Variants in RIPOR2 observed in about 807,000 individuals in gnomAD.
The protein encoded by RIPOR2 is rho family-interacting cell polarization regulator 2.
Under a neutral mutation model 114.5 loss-of-function variants are expected in RIPOR2, and 39 were observed. The observed-to-expected ratio is 0.34, with a 90% confidence interval of 0.26 to 0.44. The LOEUF (loss-of-function observed/expected upper bound fraction) is 0.44. Ranked by LOEUF, RIPOR2 falls within the 20% of genes least tolerant of loss-of-function variation. RIPOR2 has a pLI of 1.00. For synonymous variants in RIPOR2, 445 were observed against 484.4 expected, an observed-to-expected ratio of 0.92 and a Z score of 1.07; for missense variants, 1,007 against 1,255.1, an observed-to-expected ratio of 0.80 and a Z score of 2.99.
At chr6:24,979,638 C>A (rs1389842565) in intron 1 of RIPOR2, among the ~76,000 whole-genome samples, 1 of 152,204 alleles carries the variant, frequency 6.6e-6, no homozygotes, top group Non-Finnish European at 1.5e-5. Flanking sequence ...GCTCTCACAA[C>A]TTCCTCCACA....
intron 1 of RIPOR2, among the ~76,000 whole-genome samples, chr6:24,993,126 T>C (rs1774901591): frequency 6.6e-6 from 1 of 152,232 alleles, no homozygotes; most frequent in Non-Finnish European, 1.5e-5. Context: ...TTTGATCTTC[T>C]CTCTATTCTT....
intron 1 of RIPOR2, among the ~76,000 whole-genome samples, chr6:25,025,636 G>A (rs1028877424): frequency 1.5e-4 from 23 of 152,138 alleles, no homozygotes; most frequent in African/African-American, 5.3e-4. Flanking sequence ...TGATTAAAAC[G>A]AAAACTGAAT....
chr6:24,941,600 A>G (rs1166601150), intron 1 of RIPOR2, among the ~76,000 whole-genome samples: 2 of 152,194 alleles, frequency 1.3e-5, no homozygotes, highest in East Asian at 1.9e-4. Flanking sequence ...TGTGCTATCA[A>G]TGCAAACACA....
rs577953764 is a variant in RIPOR2 at position 24,934,310 on chromosome 6, C to T, written c.61+1528G>A. On this transcript the variant is annotated intron_variant, in intron 1 of 21. Coordinates refer to ENST00000643898, the MANE Select transcript of RIPOR2 (RefSeq NM_001286445.3). Reference sequence around the variant, plus strand: ...CTGAAGAATGGGGCCTAAGATCAAACTTCAAGGTGTTGGTGGCCTAAACGC... The same window carrying T: ...CTGAAGAATGGGGCCTAAGATCAAATTTCAAGGTGTTGGTGGCCTAAACGC... Among the ~76,000 whole-genome samples the T allele has an allele frequency of 9.2e-5, 14 of 152,316 alleles. No individual in the cohort carries two copies. In the South Asian group the frequency reaches 2.9e-3, roughly 32 times the overall value.
intron 1 of RIPOR2, among the ~76,000 whole-genome samples, chr6:24,890,861 G>GC (rs56186497): frequency 0.99 from 151,067 of 152,024 alleles, 75,055 homozygotes; most frequent in Middle Eastern, 1. Context: ...TTGCTATTTT[G>GC]CCAGGCTGGT....
At chr6:24,936,618 T>A (rs7763408), upstream of RIPOR2, among the ~76,000 whole-genome samples, 291 of 152,304 alleles carry the variant, frequency 1.9e-3, no homozygotes, top group African/African-American at 6.7e-3. Flanking sequence ...CTTCAGACTG[T>A]ATCACTAAAG....
At position 24,806,274 on chromosome 6, in the gene RIPOR2, G is replaced by T. The variant is rs574364397; in HGVS notation, c.*99C>A. ...GGCCTACATTTTTATTTCAGTTGTC[G>T]TGTCTCTCAGGCTCTAAACAATTTC... On this transcript the variant is annotated 3_prime_UTR_variant, in exon 22 of 22. Coordinates refer to ENST00000643898, the MANE Select transcript of RIPOR2 (RefSeq NM_001286445.3). The T allele has an allele frequency of 1.2e-6, 1 of 818,046 alleles. No individual in the cohort carries two copies. 50.7% of individuals were successfully genotyped at this position (818,046 alleles called of 1,614,324 possible).
At chr6:24,955,573 T>C (rs765272028) in intron 1 of RIPOR2, among the ~76,000 whole-genome samples, 2 of 152,068 alleles carry the variant, frequency 1.3e-5, no homozygotes, top group African/African-American at 2.4e-5. Flanking sequence ...AGAGAAAATA[T>C]AGACCATCAA....
At chr6:24,832,464 T>C in intron 15 of RIPOR2, 73 bp from the exon 16 acceptor site, 1 of 1,350,278 alleles carries the variant, frequency 7.4e-7, no homozygotes, top group Non-Finnish European at 1.0e-6. Context: ...AGCCTCATCC[T>C]TCCTGAATGT....
At chr6:24,876,937 G>A (rs1765833706) in intron 1 of RIPOR2, 1 of 981,968 alleles carries the variant, frequency 1.0e-6, no homozygotes, top group East Asian at 1.1e-4. Flanking sequence ...ATCAGGAGGA[G>A]TCAAAGCACA....
chr6:24,935,743 A>G (rs1771763377), intron 1 of RIPOR2, 95 bp downstream of exon 1: 1 of 831,222 alleles, frequency 1.2e-6, no homozygotes, highest in Non-Finnish European at 1.9e-6. Flanking sequence ...ATTTCAAAAT[A>G]CTCAAGTCCT....
chr6:24,949,874 T>C (rs1258064986), intron 1 of RIPOR2, among the ~76,000 whole-genome samples: 1 of 152,228 alleles, frequency 6.6e-6, no homozygotes, highest in African/African-American at 2.4e-5. Context: ...TCTGGGTGAA[T>C]TATTTTCTTA....
intron 12 of RIPOR2, among the ~76,000 whole-genome samples, chr6:24,844,636 C>T (rs953960960): frequency 6.6e-6 from 1 of 151,896 alleles, no homozygotes; most frequent in Non-Finnish European, 1.5e-5. Context: ...ACGCCCCCAG[C>T]TAATTTTTGT....
intron 1 of RIPOR2, among the ~76,000 whole-genome samples, chr6:24,902,412 T>G (rs1353414344): frequency 6.6e-6 from 1 of 152,086 alleles, no homozygotes; most frequent in Non-Finnish European, 1.5e-5. Context: ...AGCTGGAGTT[T>G]TACCATGTTG....
rs1182716915 is a variant in RIPOR2, at chr6:25,009,008, G to T, written c.76+32843C>A. On this transcript the variant is annotated intron_variant, in intron 1 of 13. Transcript: ENST00000510784. ...GAAGCCAGGACACTGATGCAGGATG[G>T]CTCTTGTCCATGCTGACTGCTGCCT... Among the ~76,000 whole-genome samples, 4 of 152,350 alleles carry T rather than the reference G, an allele frequency of 2.6e-5. No homozygotes were observed. In the East Asian group the frequency reaches 5.8e-4, roughly 22 times the overall value.
At chr6:25,038,675 G>A (rs1284935088) in intron 1 of RIPOR2, among the ~76,000 whole-genome samples, 2 of 152,202 alleles carry the variant, frequency 1.3e-5, no homozygotes, top group African/African-American at 2.4e-5. Context: ...CTGAGCCTTA[G>A]ATGAGATTGC....
At chr6:24,964,488 C>G (rs2114227174) in intron 1 of RIPOR2, among the ~76,000 whole-genome samples, 1 of 152,276 alleles carries the variant, frequency 6.6e-6, no homozygotes, top group East Asian at 1.9e-4. Flanking sequence ...CTTTTTATTG[C>G]TGAGTATATT....
intron 10 of RIPOR2, among the ~76,000 whole-genome samples, chr6:24,850,217 C>T (rs1477478554): frequency 6.6e-6 from 1 of 151,634 alleles, no homozygotes; most frequent in Admixed American, 6.6e-5. Context: ...CCACCTCAGA[C>T]TCCCAAGTAG....
intron 1 of RIPOR2, among the ~76,000 whole-genome samples, chr6:24,924,019 G>A (rs1032703438): frequency 6.6e-6 from 1 of 152,076 alleles, no homozygotes; most frequent in Non-Finnish European, 1.5e-5. Flanking sequence ...CTCTCCTGTC[G>A]TGTCTGTTTT....
Sources: allele counts gnomAD v4.1 joint callset (sites outside exome capture counted in the v4.1 genomes callset), GRCh38; gene constraint gnomAD v4.1.1; transcripts MANE v1.5; gene names NCBI Gene and HGNC (gene_info 2026-07-23, HGNC 2026-07-21).